Variants in TANGO6 observed in about 807,000 individuals in gnomAD.
The protein encoded by TANGO6 is transport and golgi organization 6 homolog.
Under a neutral mutation model 114.2 loss-of-function variants are expected in TANGO6, and 90 were observed. The ratio of observed to expected loss-of-function variants is 0.79; its 90% CI spans 0.66 to 0.94. The LOEUF (loss-of-function observed/expected upper bound fraction) is 0.94, where lower values mean the gene tolerates loss of function less well. TANGO6 is among the 40% of genes least tolerant of loss of function. TANGO6 has a pLI of 0.00. For synonymous variants in TANGO6, 477 were observed against 509.8 expected, an observed-to-expected ratio of 0.94 and a Z score of 0.87; for missense variants, 1,274 against 1,315.3, an observed-to-expected ratio of 0.97 and a Z score of 0.49.
intron 5 of TANGO6, among the ~76,000 whole-genome samples, chr16:68,877,854 C>T (rs559438931): frequency 1.3e-5 from 2 of 152,160 alleles, no homozygotes; most frequent in African/African-American, 2.4e-5. Context: ...GTGATCCTCC[C>T]GCCTCGGCCT....
chr16:69,045,470 G>A lies in TANGO6; in HGVS notation c.3108+5049G>A, dbSNP rs558741990. Among the ~76,000 whole-genome samples the A allele has an allele frequency of 6.9e-5, 10 of 144,440 alleles. No homozygotes were observed. The South Asian group carries it at 2.2e-3, about 32-fold the overall frequency. The allele number at this position is 144,440 out of a possible 152,430, so 94.8% of individuals were successfully genotyped here. On this transcript the variant is annotated intron_variant, in intron 17 of 17. Coordinates refer to ENST00000261778, the MANE Select transcript of TANGO6 (RefSeq NM_024562.2). ...AAAAAAAAAAAAAAAAAGGCTGGGT[G>A]CAGTGACTTATGCCTGTAATCCCAG...
chr16:68,887,887 A>AAAC (rs1157919715), intron 7 of TANGO6, among the ~76,000 whole-genome samples: 2 of 152,106 alleles, frequency 1.3e-5, no homozygotes, highest in African/African-American at 2.4e-5. Context: ...TAAAAAACAG[A>AAAC]AACAACAACA....
chr16:69,057,246 T>C (rs71395895), intron 17 of TANGO6, among the ~76,000 whole-genome samples: 1 of 152,090 alleles, frequency 6.6e-6, no homozygotes, highest in Non-Finnish European at 1.5e-5. Flanking sequence ...GTTTATATGG[T>C]AGTTGTGTTT....
chr16:68,878,177 C>T lies in TANGO6; in HGVS notation c.1191C>T (p.Ala397=), dbSNP rs1376352069. 6.2e-7 allele frequency: 1 copy of T among 1,612,726 alleles called. No homozygotes were observed. Among genetic ancestry groups the T allele is most frequent in the Non-Finnish European group, 8.5e-7 (1 of 1,179,440 alleles). The change falls in exon 6 of 18, where the codon GCC becomes GCT. Residue 397 remains alanine, a synonymous_variant. Coordinates refer to ENST00000261778, the MANE Select transcript of TANGO6 (RefSeq NM_024562.2). ...CAGCACGACAATTTCAGAGAGTTGC[C>T]ACCACTACCTTTATAACTTTGTCAA... ...KLTARQFQRV[A]TTTFITLSRE... is the part of the protein sequence containing the mutation.
intron 14 of TANGO6, among the ~76,000 whole-genome samples, chr16:68,953,606 A>G (rs993850658): frequency 3.9e-5 from 6 of 152,098 alleles, no homozygotes; most frequent in African/African-American, 1.4e-4. Flanking sequence ...TCAGATTCCA[A>G]CTTTACTAGA....
chr16:68,906,057 G>A (rs1370376304), intron 9 of TANGO6, among the ~76,000 whole-genome samples: 1 of 151,928 alleles, frequency 6.6e-6, no homozygotes, highest in African/African-American at 2.4e-5. Context: ...GTGGGCGCCT[G>A]TAATCCCAGC....
In TANGO6 at chr16:68,880,586, G is replaced by T; in HGVS notation, c.1333G>T (p.Val445Leu). ...TGACATGGTACCAGGAACTATTTTG[G>T]TGACAGAAGAAGAACTTAGTAGATG... is the stretch of plus-strand genomic sequence containing the variant. ...ESDMVPGTIL[V>L]TEEELSRCIE... is the part of the protein sequence containing the mutation. Residue 445 changes from valine (V) to leucine (L), a missense_variant, in exon 7 of 18, where the codon GTG (valine) becomes TTG (leucine). This residue lies in a region of TANGO6 where 908 missense variants were observed against 910.2 expected (regional missense o/e 1.00). Coordinates refer to ENST00000261778, the MANE Select transcript of TANGO6 (RefSeq NM_024562.2). 6.2e-7 allele frequency: 1 copy of T among 1,612,840 alleles called. No individual in the cohort carries two copies. Among genetic ancestry groups the T allele is most frequent in the Non-Finnish European group, 8.5e-7 (1 of 1,179,394 alleles).
At chr16:69,003,415 C>A (rs913020224) in intron 15 of TANGO6, among the ~76,000 whole-genome samples, 1 of 152,200 alleles carries the variant, frequency 6.6e-6, no homozygotes, top group Non-Finnish European at 1.5e-5. Context: ...CACAAAAGAG[C>A]AAAGCCTTAG....
chr16:69,041,879 A>G (rs1324087606), intron 17 of TANGO6, among the ~76,000 whole-genome samples: 1 of 152,230 alleles, frequency 6.6e-6, no homozygotes, highest in African/African-American at 2.4e-5. Context: ...TATCAACAGG[A>G]CCAACATTTC....
At chr16:68,871,620 A>C (rs1962269499) in intron 4 of TANGO6, among the ~76,000 whole-genome samples, 1 of 151,542 alleles carries the variant, frequency 6.6e-6, no homozygotes, top group African/African-American at 2.4e-5. Context: ...CTCTGTCTTT[A>C]AAATTTTTTT....
chr16:68,978,925 A>T (rs909534446), intron 15 of TANGO6, among the ~76,000 whole-genome samples: 2 of 134,652 alleles, frequency 1.5e-5, no homozygotes, highest in Admixed American at 7.8e-5. Context: ...AAAGTATATG[A>T]TTTTTTTTTT....
intron 4 of TANGO6, among the ~76,000 whole-genome samples, chr16:68,868,359 G>T (rs1962212051): frequency 6.6e-6 from 1 of 151,972 alleles, no homozygotes; most frequent in East Asian, 1.9e-4. Context: ...ATCATTTAAA[G>T]TCAAATAGTT....
chr16:69,043,466 T>A (rs1959805643), intron 17 of TANGO6, among the ~76,000 whole-genome samples: 1 of 152,162 alleles, frequency 6.6e-6, no homozygotes, highest in Non-Finnish European at 1.5e-5. Context: ...AAGATTTTTG[T>A]CACTTTCAAA....
At chr16:68,847,182 GC>G (rs1329419972) in intron 1 of TANGO6, among the ~76,000 whole-genome samples, 1 of 152,130 alleles carries the variant, frequency 6.6e-6, no homozygotes, top group African/African-American at 2.4e-5. Flanking sequence ...GAGCCACCGC[GC>G]CCGGCCAAAG....
intron 4 of TANGO6, chr16:68,867,895 A>C (rs1258326018): frequency 6.6e-6 from 1 of 151,068 alleles, no homozygotes; most frequent in Non-Finnish European, 1.5e-5. Flanking sequence ...TAATCCCAGC[A>C]CTTTGGGAGG....
chr16:69,073,934 G>A (rs1212424124), intron 17 of TANGO6, among the ~76,000 whole-genome samples: 3 of 151,640 alleles, frequency 2.0e-5, no homozygotes, highest in African/African-American at 4.8e-5. Context: ...TCTCCAGCCT[G>A]GGGGGCACAG....
rs556931119 is a variant in TANGO6, at chr16:68,984,526, AT to A, written c.2842+10369del. On this transcript the variant is annotated intron_variant, in intron 15 of 17. Transcript: ENST00000261778. ...TTCCTACTTATATTAGACAGTTTGG[AT>A]TTTTTTTTTTCAAGCTAGGATCTTG... 7.6e-4 allele frequency among the ~76,000 whole-genome samples: 111 copies of A among 146,100 alleles called. 1 individual carries two copies. The highest frequency in any genetic ancestry group is 1.1e-3 in the South Asian group (5 of 4,576).
intron 12 of TANGO6, among the ~76,000 whole-genome samples, chr16:68,922,954 T>G (rs917500471): frequency 2.8e-5 from 4 of 142,624 alleles, no homozygotes; most frequent in South Asian, 4.8e-4. Context: ...TTTTTTTTTT[T>G]TTTTTTTTTT....
chr16:69,057,156 A>C (rs1030896090), intron 17 of TANGO6, among the ~76,000 whole-genome samples: 3 of 151,672 alleles, frequency 2.0e-5, no homozygotes, highest in Non-Finnish European at 2.9e-5. Context: ...CTGGAACTAC[A>C]AGTTCCCGTG....
Sources: allele counts gnomAD v4.1 joint callset (sites outside exome capture counted in the v4.1 genomes callset), GRCh38; gene constraint gnomAD v4.1.1; regional missense constraint gnomAD v4.1.1; transcripts MANE v1.5; gene names NCBI Gene and HGNC (gene_info 2026-07-23, HGNC 2026-07-21).